The following WWOX variants were observed in gnomAD, a reference collection of about 807,000 sequenced individuals.
WWOX encodes the protein WW domain-containing oxidoreductase.
A neutral mutation model predicts 46.2 loss-of-function variants in WWOX; 69 were observed. That is an observed-to-expected ratio of 1.49 (90% CI 1.23 to 1.82). The LOEUF is 1.82. Among genes scored for constraint, WWOX ranks in the 40% most tolerant of loss-of-function variants. The probability of loss-of-function intolerance (pLI) is 0.00; values close to 1 mark genes in which losing one functional copy is unlikely to be tolerated. For missense variants in WWOX, 919 were observed against 542.6 expected, an observed-to-expected ratio of 1.69 and a Z score of -6.89; for synonymous variants, 359 against 202.6, an observed-to-expected ratio of 1.77 and a Z score of -6.56.
chr16:78,398,028 T>C (rs2082327921), intron 6 of WWOX, among the ~76,000 whole-genome samples: 1 of 152,258 alleles, frequency 6.6e-6, no homozygotes, highest in Non-Finnish European at 1.5e-5. Context: ...ATACATTTAC[T>C]GTGAATGTCA....
At chr16:78,627,487 A>C (rs1044167464) in intron 8 of WWOX, among the ~76,000 whole-genome samples, 1 of 152,212 alleles carries the variant, frequency 6.6e-6, no homozygotes, top group African/African-American at 2.4e-5. Context: ...GTGATCCTGT[A>C]AGTCTTTGAA....
chr16:78,619,527 C>G (rs1198640883), intron 8 of WWOX, among the ~76,000 whole-genome samples: 3 of 151,712 alleles, frequency 2.0e-5, no homozygotes, highest in Non-Finnish European at 2.9e-5. Context: ...CCTTTCAGCT[C>G]CTGCTGTGAT....
At chr16:78,212,738 A>G (rs971051466) in intron 5 of WWOX, among the ~76,000 whole-genome samples, 1 of 152,184 alleles carries the variant, frequency 6.6e-6, no homozygotes, top group Non-Finnish European at 1.5e-5. Context: ...ATAACTCATG[A>G]ACAGTCTGGT....
At chr16:78,259,991 C>T (rs1282486620) in intron 5 of WWOX, among the ~76,000 whole-genome samples, 1 of 151,246 alleles carries the variant, frequency 6.6e-6, no homozygotes, top group African/African-American at 2.4e-5. Context: ...CTAAGTGCTT[C>T]GTTAAATGAA....
rs140443796 is a variant in WWOX at position 78,937,046 on chromosome 16, T to C, written c.1057-274562T>C. On this transcript the variant is annotated intron_variant, in intron 8 of 8. Transcript: ENST00000566780. ...ATGTACTAAACCTGGTCCTGGAAAATTAAGTGGAAATATAGGTTTAAACTA... is the reference window on the plus strand; with the variant it reads ...ATGTACTAAACCTGGTCCTGGAAAACTAAGTGGAAATATAGGTTTAAACTA... 3.3e-5 allele frequency among the ~76,000 whole-genome samples: 5 copies of C among 152,294 alleles called. No homozygotes were observed. The East Asian group carries it at 9.6e-4, about 29-fold the overall frequency.
chr16:78,438,565 C>A (rs1453392276), intron 8 of WWOX, among the ~76,000 whole-genome samples: 9 of 152,070 alleles, frequency 5.9e-5, no homozygotes, highest in Non-Finnish European at 2.9e-5. Context: ...TGAAGTTGAG[C>A]ACTGTCACTT....
intron 8 of WWOX, among the ~76,000 whole-genome samples, chr16:78,580,384 G>A (rs2045019712): frequency 6.6e-6 from 1 of 152,132 alleles, no homozygotes; most frequent in African/African-American, 2.4e-5. Flanking sequence ...TCCAACAGAG[G>A]ATTTCAGTCA....
chr16:78,586,293 C>A (rs151218644), intron 8 of WWOX, among the ~76,000 whole-genome samples: 2,825 of 152,220 alleles, frequency 0.019, 59 homozygotes, highest in African/African-American at 0.05. Context: ...CAAGATTCTG[C>A]CTTTAAAAAG....
At position 78,916,930 on chromosome 16, in the gene WWOX, C is replaced by A. The variant is rs1454408167; in HGVS notation, c.1057-294678C>A. ...GGTAAGGGGATCAGGTAAAGCTTGA[C>A]CCAGGGGCTAAACTTTAAGGACCTG... On this transcript the variant is annotated intron_variant, in intron 8 of 8. Transcript: ENST00000566780. Among the ~76,000 whole-genome samples the A allele has an allele frequency of 5.3e-5, 8 of 150,434 alleles. No homozygotes were observed. In the East Asian group the frequency reaches 1.3e-3, roughly 25 times the overall value.
At chr16:78,334,599 G>C (rs2080836717) in intron 5 of WWOX, among the ~76,000 whole-genome samples, 1 of 151,938 alleles carries the variant, frequency 6.6e-6, no homozygotes. Context: ...TTCCCAAACA[G>C]AACATAGAGT....
chr16:78,797,069 A>G (rs1597625654), intron 8 of WWOX, among the ~76,000 whole-genome samples: 1 of 151,990 alleles, frequency 6.6e-6, no homozygotes, highest in East Asian at 1.9e-4. Context: ...CAAGTGATCC[A>G]CCCACCTCAG....
chr16:78,939,585 A>G (rs1052216975), intron 8 of WWOX, among the ~76,000 whole-genome samples: 2 of 152,236 alleles, frequency 1.3e-5, no homozygotes, highest in Non-Finnish European at 2.9e-5. Flanking sequence ...GTATATGGCT[A>G]CTGAAATGGC....
chr16:78,786,672 C>A (rs987875000), intron 8 of WWOX, among the ~76,000 whole-genome samples: 2 of 151,998 alleles, frequency 1.3e-5, no homozygotes, highest in African/African-American at 2.4e-5. Context: ...CTTTTTGTCC[C>A]CGTAAAAGTA....
intron 5 of WWOX, among the ~76,000 whole-genome samples, chr16:78,368,966 C>T (rs889268901): frequency 3.9e-5 from 6 of 152,164 alleles, no homozygotes; most frequent in Admixed American, 6.5e-5. Flanking sequence ...TCCTGTCTGC[C>T]TTTCTCTGCA....
intron 5 of WWOX, among the ~76,000 whole-genome samples, chr16:78,170,056 C>T (rs16947213): frequency 6.6e-6 from 1 of 152,080 alleles, no homozygotes; most frequent in Non-Finnish European, 1.5e-5. Flanking sequence ...ATTTGACTCA[C>T]CCCTGACTTC....
intron 8 of WWOX, among the ~76,000 whole-genome samples, chr16:78,752,667 C>T (rs899191743): frequency 3.9e-5 from 6 of 152,190 alleles, no homozygotes; most frequent in African/African-American, 1.4e-4. Flanking sequence ...AAACATTTGT[C>T]TTCTGTTTTC....
At chr16:79,180,519 C>A (rs1464249025) in intron 8 of WWOX, among the ~76,000 whole-genome samples, 2 of 151,992 alleles carry the variant, frequency 1.3e-5, no homozygotes, top group Admixed American at 6.6e-5. Context: ...CCTTGTGGAC[C>A]CTCAAATGTG....
intron 8 of WWOX, chr16:79,202,853 T>C (rs2051388443): frequency 1.3e-5 from 2 of 152,344 alleles, no homozygotes; most frequent in East Asian, 1.9e-4. Context: ...GGCAGCCTAA[T>C]TGTATTTCCT....
intron 7 of WWOX, among the ~76,000 whole-genome samples, chr16:78,425,701 T>A (rs2083059562): frequency 6.6e-6 from 1 of 152,208 alleles, no homozygotes; most frequent in African/African-American, 2.4e-5. Flanking sequence ...AACAACTATT[T>A]GTCTAGAGAG....
Sources: allele counts gnomAD v4.1 joint callset (sites outside exome capture counted in the v4.1 genomes callset), GRCh38; gene constraint gnomAD v4.1.1; transcripts MANE v1.5; gene names NCBI Gene and HGNC (gene_info 2026-07-23, HGNC 2026-07-21).